The following RBFOX1 variants were observed in gnomAD, a reference collection of about 807,000 sequenced individuals.
RBFOX1 encodes the protein RNA binding fox-1 homolog 1.
In RBFOX1, 8 loss-of-function variants were observed where a neutral mutation model predicts 57.7. That is an observed-to-expected ratio of 0.14 (90% CI 0.08 to 0.25). The LOEUF is 0.25. Among genes scored for constraint, RBFOX1 ranks in the 10% least tolerant of loss-of-function variants. The pLI is 1.00. For synonymous variants in RBFOX1, 326 were observed against 222.4 expected (o/e 1.47, Z -4.15); for missense variants, 611 against 548.5 (o/e 1.11, Z -1.14).
Position 6,966,825 on chromosome 16 carries a change from ATCTG to A in RBFOX1, c.-15-85228_-15-85225del, listed in dbSNP as rs1262154786. ...TGTCTGTCTGTCTGTCTGTCTATCTATCTGTCTATCTATCTATCCATCCATCTAT... is the reference window on the plus strand; with the variant it reads ...TGTCTGTCTGTCTGTCTGTCTATCTATCTATCTATCTATCCATCCATCTAT... On this transcript the variant is annotated intron_variant, in intron 3 of 15. Transcript: ENST00000550418. Among the ~76,000 whole-genome samples the A allele has an allele frequency of 4.5e-3, 672 of 149,834 alleles. 3 individuals carry two copies. The highest frequency in any genetic ancestry group is 0.018 in the Middle Eastern group (5 of 284).
At chr16:7,472,457 C>G (rs1470711335) in intron 4 of RBFOX1, among the ~76,000 whole-genome samples, 1 of 152,146 alleles carries the variant, frequency 6.6e-6, no homozygotes, top group Admixed American at 6.5e-5. Context: ...AACTATAAGT[C>G]TGAAACCAGT....
intron 1 of RBFOX1, among the ~76,000 whole-genome samples, chr16:6,310,310 C>G (rs996915255): frequency 6.6e-6 from 1 of 152,224 alleles, no homozygotes; most frequent in Non-Finnish European, 1.5e-5. Context: ...TGAGCACTTA[C>G]TACGTGGCAG....
At chr16:7,040,723 G>C (rs934844615) in intron 3 of RBFOX1, among the ~76,000 whole-genome samples, 1 of 152,078 alleles carries the variant, frequency 6.6e-6, no homozygotes, top group Non-Finnish European at 1.5e-5. Context: ...TGGATTATAG[G>C]TTAAAAATGA....
chr16:7,289,325 C>T lies in RBFOX1; in HGVS notation c.28-228822C>T, dbSNP rs569627146. On this transcript the variant is annotated intron_variant, in intron 4 of 15. Transcript: ENST00000550418. ...AGAACAGGGCTGGCTGTCTTTCCCA[C>T]AAAGGTCAATGTACATTGCCTTACT... Among the ~76,000 whole-genome samples the T allele has an allele frequency of 3.9e-5, 6 of 152,258 alleles. No individual in the cohort carries two copies. In the South Asian group the frequency reaches 1.0e-3, roughly 26 times the overall value.
intron 4 of RBFOX1, among the ~76,000 whole-genome samples, chr16:7,427,090 A>G (rs2098626672): frequency 6.6e-6 from 1 of 152,130 alleles, no homozygotes; most frequent in Admixed American, 6.6e-5. Flanking sequence ...CAAGGTGGGG[A>G]ACATCGTGTG....
At chr16:7,520,646 T>C (rs1180276757) in intron 5 of RBFOX1, among the ~76,000 whole-genome samples, 1 of 152,246 alleles carries the variant, frequency 6.6e-6, no homozygotes, top group Non-Finnish European at 1.5e-5. Flanking sequence ...GACTTTTTTG[T>C]ATTTAGTTGC....
intron 4 of RBFOX1, among the ~76,000 whole-genome samples, chr16:7,072,502 A>T (rs1291735797): frequency 6.6e-6 from 1 of 152,354 alleles, no homozygotes; most frequent in South Asian, 2.1e-4. Context: ...AGTAGAAACT[A>T]AATATTAATA....
At chr16:5,664,127 C>G (rs1474265692) in intron 3 of RBFOX1, among the ~76,000 whole-genome samples, 2 of 152,216 alleles carry the variant, frequency 1.3e-5, no homozygotes, top group African/African-American at 4.8e-5. Flanking sequence ...GCTGCTGTGT[C>G]TGCTTCATCC....
At chr16:7,425,533 A>T (rs2098602156) in intron 4 of RBFOX1, among the ~76,000 whole-genome samples, 1 of 152,180 alleles carries the variant, frequency 6.6e-6, no homozygotes, top group African/African-American at 2.4e-5. Flanking sequence ...ATATCACCTT[A>T]TTTCTGGCGG....
At chr16:6,729,872 T>C (rs2068100222) in intron 3 of RBFOX1, among the ~76,000 whole-genome samples, 1 of 152,240 alleles carries the variant, frequency 6.6e-6, no homozygotes, top group African/African-American at 2.4e-5. Flanking sequence ...GAAAGCTGCT[T>C]AGAAACGAGA....
At chr16:5,328,889 G>C (rs544907821) in intron 1 of RBFOX1, among the ~76,000 whole-genome samples, 1 of 152,312 alleles carries the variant, frequency 6.6e-6, no homozygotes, top group Admixed American at 6.5e-5. Flanking sequence ...CCTTGATTCC[G>C]GGTCCTACCC....
In RBFOX1 at chr16:5,265,726, CCTGA is replaced by C. The variant is rs745348041; in HGVS notation, c.219+25624_219+25627del. Among the ~76,000 whole-genome samples the C allele has an allele frequency of 1.6e-4, 24 of 152,266 alleles. No individual in the cohort carries two copies. The East Asian group carries it at 2.1e-3, about 13-fold the overall frequency. On this transcript the variant is annotated intron_variant, in intron 1 of 2. Transcript: ENST00000585867. ...CTTTCAGAGCTGGGCTTGGCAACAGCCTGACTATCAGAGGCTGAATTAAACAAAT... is the reference window on the plus strand; with the variant it reads ...CTTTCAGAGCTGGGCTTGGCAACAGCCTATCAGAGGCTGAATTAAACAAAT...
intron 2 of RBFOX1, among the ~76,000 whole-genome samples, chr16:6,649,890 C>T (rs913694822): frequency 6.6e-6 from 1 of 152,106 alleles, no homozygotes; most frequent in Non-Finnish European, 1.5e-5. Flanking sequence ...ATATACCACA[C>T]TTTCTTTTAT....
At chr16:7,587,222 A>G (rs760123563) in intron 6 of RBFOX1, 25 bp from the exon 7 acceptor site, 5 of 1,515,844 alleles carry the variant, frequency 3.3e-6, no homozygotes, top group South Asian at 2.7e-5. Context: ...CTTCTTGCTT[A>G]TAAGATATTT....
At chr16:7,573,630 T>A (rs2093018486) in intron 5 of RBFOX1, among the ~76,000 whole-genome samples, 1 of 151,992 alleles carries the variant, frequency 6.6e-6, no homozygotes, top group Admixed American at 6.6e-5. Context: ...GGTTAGGAGT[T>A]TGAGGCCAGC....
chr16:6,472,171 G>T (rs888793945), intron 2 of RBFOX1, among the ~76,000 whole-genome samples: 1 of 152,214 alleles, frequency 6.6e-6, no homozygotes, highest in African/African-American at 2.4e-5. Flanking sequence ...ATTTCTTGGA[G>T]AGAATCTGAT....
chr16:7,062,381 C>T (rs1179460751), intron 4 of RBFOX1, among the ~76,000 whole-genome samples: 1 of 149,268 alleles, frequency 6.7e-6, no homozygotes, highest in Non-Finnish European at 1.5e-5. Context: ...TAAAAGCTTT[C>T]TGTCTTCCTT....
At chr16:7,448,379 T>A (rs1359303620) in intron 4 of RBFOX1, among the ~76,000 whole-genome samples, 1 of 152,170 alleles carries the variant, frequency 6.6e-6, no homozygotes, top group Non-Finnish European at 1.5e-5. Context: ...CAGTTCCACA[T>A]TGCTGGGGAG....
At chr16:6,266,539 C>T (rs1469836786) in intron 1 of RBFOX1, among the ~76,000 whole-genome samples, 1 of 151,960 alleles carries the variant, frequency 6.6e-6, no homozygotes, top group Non-Finnish European at 1.5e-5. Context: ...CATGGTGAAA[C>T]CCCATCTCTA....
Sources: allele counts gnomAD v4.1 joint callset (sites outside exome capture counted in the v4.1 genomes callset), GRCh38; gene constraint gnomAD v4.1.1; transcripts MANE v1.5; gene names NCBI Gene and HGNC (gene_info 2026-07-23, HGNC 2026-07-21).